INCENP: variants seen among roughly 807,000 people sequenced by gnomAD.
INCENP encodes binds and activates aurora-B and -C in vivo and in vitro.
A neutral mutation model predicts 107.3 loss-of-function variants in INCENP; 43 were observed. That is an observed-to-expected ratio of 0.40 (90% CI 0.31 to 0.52). The LOEUF (loss-of-function observed/expected upper bound fraction) is 0.52. INCENP is among the 20% of genes least tolerant of loss of function. The pLI is 0.53. For missense variants in INCENP, 1,089 were observed against 1,250.9 expected, an observed-to-expected ratio of 0.87 and a Z score of 1.95; for synonymous variants, 488 against 494.4, an observed-to-expected ratio of 0.99 and a Z score of 0.17.
intron 11 of INCENP, among the ~76,000 whole-genome samples, chr11:62,142,825 C>A (rs371741556): frequency 6.6e-6 from 1 of 152,144 alleles, no homozygotes; most frequent in Non-Finnish European, 1.5e-5. Flanking sequence ...TCTCAGCCTT[C>A]GGTGTGGTAA....
At chr11:62,145,886 T>C in intron 14 of INCENP, 135 bp downstream of exon 14, 1 of 1,124,454 alleles carries the variant, frequency 8.9e-7, no homozygotes, top group Admixed American at 3.0e-5. Flanking sequence ...AAGAAGGAGG[T>C]TTCCCAGAAG....
rs145643379 is a variant in INCENP at position 62,136,758 on chromosome 11, G to A, written c.1064-1074G>A. ...GTGAAACTGGACATCTCTCCTTCCC[G>A]TGAGTGTGTGGTCCGAGGATAGTGT... is the stretch of plus-strand genomic sequence containing the variant. On this transcript the variant is annotated intron_variant, in intron 4 of 18. Transcript: ENST00000394818. Among the ~76,000 whole-genome samples, 474 of 152,298 alleles carry A rather than the reference G, an allele frequency of 3.1e-3. 3 individuals carry two copies. Among genetic ancestry groups the A allele is most frequent in the African/African-American group, 0.011 (459 of 41,558 alleles).
In INCENP at chr11:62,152,076, C is replaced by G. The variant is rs1944388706; in HGVS notation, c.*100C>G. On this transcript the variant is annotated 3_prime_UTR_variant, in exon 19 of 19. Transcript: ENST00000394818. ...GTCTGTTGCCCTCCTTCTTGGCATG[C>G]CATTGTGGAGGGCTTGGCCAGGTGT... The G allele has an allele frequency of 3.4e-6, 3 of 887,638 alleles. No homozygotes were observed. Among genetic ancestry groups the G allele is most frequent in the Non-Finnish European group, 5.0e-6 (3 of 596,936 alleles). The allele number at this position is 887,638 out of a possible 1,614,324, so 55.0% of individuals were successfully genotyped here. A position where few individuals can be genotyped will look rare whatever the true frequency, so the allele number is the denominator to read the frequency against.
intron 17 of INCENP, 38 bp downstream of exon 17, chr11:62,148,884 A>T (rs777387580): frequency 7.4e-6 from 10 of 1,358,868 alleles, no homozygotes; most frequent in Non-Finnish European, 1.0e-5. Context: ...TCTCAGGTGG[A>T]GGGGCCCACT....
chr11:62,148,718 C>G (rs764585832), intron 16 of INCENP, 21 bp from the exon 17 acceptor site: 1 of 1,558,030 alleles, frequency 6.4e-7, no homozygotes, highest in South Asian at 1.2e-5. Context: ...CCCTAACACC[C>G]CATTGCCACC....
chr11:62,124,555 C>T (rs1013552964), intron 1 of INCENP, among the ~76,000 whole-genome samples: 1 of 152,250 alleles, frequency 6.6e-6, no homozygotes, highest in Non-Finnish European at 1.5e-5. Context: ...CCGCCCCCAG[C>T]TGAGCAGCAT....
At chr11:62,140,308 G>A (rs1944087303) in intron 8 of INCENP, 23 bp downstream of exon 8, 2 of 1,607,644 alleles carry the variant, frequency 1.2e-6, no homozygotes, top group Middle Eastern at 1.7e-4. Context: ...GAAGGGGTGT[G>A]TAGGTAACTC....
At chr11:62,126,466 G>C (rs57892794) in intron 1 of INCENP, among the ~76,000 whole-genome samples, 4,575 of 152,264 alleles carry the variant, frequency 0.03, 259 homozygotes, top group African/African-American at 0.11. Flanking sequence ...AAAGTGCTGG[G>C]ATTACAGGCG....
At chr11:62,127,182 G>A (rs1410648409) in intron 1 of INCENP, among the ~76,000 whole-genome samples, 6 of 151,884 alleles carry the variant, frequency 4.0e-5, no homozygotes, top group Non-Finnish European at 5.9e-5. Flanking sequence ...GATTACAGGC[G>A]CACACCACCA....
Position 62,148,398 on chromosome 11 carries a change from T to C in INCENP, c.2205-78T>C, listed in dbSNP as rs1944301088. On this transcript the variant is annotated intron_variant, in intron 15 of 18. Coordinates refer to ENST00000394818, the MANE Select transcript of INCENP (RefSeq NM_001040694.2). ...GGTGTGTCCTACTGGCTGGGCCTGG[T>C]TTCCCCAGCAGGGATGGGAACAGGG... The C allele has an allele frequency of 2.1e-5, 29 of 1,372,354 alleles. No individual in the cohort carries two copies. The South Asian group carries it at 3.6e-4, about 17-fold the overall frequency. The allele number at this position is 1,372,354 out of a possible 1,614,324, so 85.0% of individuals were successfully genotyped here.
At chr11:62,147,130 G>A (rs143178721) in intron 15 of INCENP, among the ~76,000 whole-genome samples, 1 of 152,310 alleles carries the variant, frequency 6.6e-6, no homozygotes, top group African/African-American at 2.4e-5. Context: ...AGCTGCATGT[G>A]CTGACCTCTT....
chr11:62,139,054 C>A, intron 7 of INCENP, 49 bp downstream of exon 7: 1 of 1,363,246 alleles, frequency 7.3e-7, no homozygotes, highest in Non-Finnish European at 1.0e-6. Flanking sequence ...CACAGCGGGC[C>A]TTGGCGGCCT....
At chr11:62,144,938 C>T (rs774094008) in intron 11 of INCENP, 44 bp from the exon 12 acceptor site, 40 of 1,533,714 alleles carry the variant, frequency 2.6e-5, no homozygotes, top group East Asian at 4.5e-5. Flanking sequence ...GGTGGGGGGT[C>T]GTCCTTGCTC....
intron 17 of INCENP, 32 bp downstream of exon 17, chr11:62,148,878 A>C: frequency 5.6e-6 from 8 of 1,432,488 alleles, no homozygotes; most frequent in Middle Eastern, 1.8e-4. Flanking sequence ...AGAGGCTCTC[A>C]GGTGGAGGGG....
intron 4 of INCENP, among the ~76,000 whole-genome samples, 153 bp from the exon 5 acceptor site, chr11:62,137,679 G>T (rs1944021212): frequency 6.6e-6 from 1 of 152,178 alleles, no homozygotes; most frequent in Non-Finnish European, 1.5e-5. Context: ...TAGTATGAGT[G>T]CTGAGGGGAG....
intron 5 of INCENP, 98 bp from the exon 6 acceptor site, chr11:62,138,614 AC>A: frequency 8.7e-7 from 1 of 1,155,874 alleles, no homozygotes; most frequent in South Asian, 1.4e-5. Flanking sequence ...CCTTGTGTTG[AC>A]CTCTTGGGTC....
rs1943870866 is a variant in INCENP, at chr11:62,130,551, A to C, written c.1024A>C (p.Lys342Gln). The C allele has an allele frequency of 6.2e-7, 1 of 1,613,520 alleles. No homozygotes were observed. Among genetic ancestry groups the C allele is most frequent in the Admixed American group, 1.7e-5 (1 of 59,998 alleles). The change falls in exon 4 of 19, where the codon AAG becomes CAG. Residue 342 changes from lysine (K) to glutamine (Q), a missense_variant. Transcript: ENST00000394818. ...CAGGGCGAGCAGAAGGCTTGCCAAG[A>C]AGACTGCCGAAGAGCCAGCTGCCTC... ...VRRASRRLAK[K>Q]TAEEPAASGR...
rs1330799986 is a variant in INCENP, at chr11:62,152,234, G to T, written c.*258G>T. Reference sequence around the variant, plus strand: ...CCACATGGCCTGCAGACAGTGCTCTGTAAATAGTTGTTTTAATTTAGCTGA... The same window carrying T: ...CCACATGGCCTGCAGACAGTGCTCTTTAAATAGTTGTTTTAATTTAGCTGA... On this transcript the variant is annotated 3_prime_UTR_variant, in exon 19 of 19. Coordinates refer to ENST00000394818, the MANE Select transcript of INCENP (RefSeq NM_001040694.2). The T allele has an allele frequency of 5.7e-6, 3 of 527,060 alleles. No homozygotes were observed. The highest frequency in any genetic ancestry group is 1.0e-5 in the Non-Finnish European group (3 of 297,910). 32.6% of individuals were successfully genotyped at this position (527,060 alleles called of 1,614,324 possible). A position where few individuals can be genotyped will look rare whatever the true frequency, so the allele number is the denominator to read the frequency against.
chr11:62,129,663 C>T, intron 3 of INCENP, 119 bp from the exon 4 acceptor site: 1 of 822,164 alleles, frequency 1.2e-6, no homozygotes, highest in Non-Finnish European at 1.9e-6. Flanking sequence ...GCCTGGAACC[C>T]AGATCTTTTG....
Sources: allele counts gnomAD v4.1 joint callset (sites outside exome capture counted in the v4.1 genomes callset), GRCh38; gene constraint gnomAD v4.1.1; transcripts MANE v1.5; gene names NCBI Gene and HGNC (gene_info 2026-07-23, HGNC 2026-07-21).